The following GPHN variants were observed in gnomAD, a reference collection of about 807,000 sequenced individuals.
GPHN encodes gephyrin.
In GPHN, 17 loss-of-function variants were observed where a neutral mutation model predicts 95.5. The observed-to-expected ratio is 0.18, with a 90% CI of 0.12 to 0.27. The LOEUF (loss-of-function observed/expected upper bound fraction) is 0.27. Ranked by LOEUF, GPHN falls within the 10% of genes least tolerant of loss-of-function variation. The probability of loss-of-function intolerance (pLI) is 1.00; values close to 1 mark genes in which losing one functional copy is unlikely to be tolerated. For synonymous variants in GPHN, 320 were observed against 322.5 expected (o/e 0.99, Z 0.08); for missense variants, 660 against 978.1 (o/e 0.67, Z 4.34).
At chr14:67,045,026 G>A (rs2074931299) in intron 10 of GPHN, among the ~76,000 whole-genome samples, 1 of 152,282 alleles carries the variant, frequency 6.6e-6, no homozygotes, top group Non-Finnish European at 1.5e-5. Flanking sequence ...GGACTTGGAT[G>A]CCTAATAGGT....
chr14:67,107,594 A>C (rs1420456069), intron 13 of GPHN, among the ~76,000 whole-genome samples: 1 of 152,208 alleles, frequency 6.6e-6, no homozygotes, highest in Non-Finnish European at 1.5e-5. Context: ...AGTAGGGCTC[A>C]GCAGCAGCTC....
At chr14:67,167,521 A>G (rs975701545) in intron 20 of GPHN, among the ~76,000 whole-genome samples, 9 of 152,120 alleles carry the variant, frequency 5.9e-5, no homozygotes, top group African/African-American at 2.2e-4. Context: ...CACTTTTTGC[A>G]CCTTAAAAAA....
chr14:67,555,818 C>A, the GPHN span: 1 of 1,613,064 alleles, frequency 6.2e-7, no homozygotes, highest in Non-Finnish European at 8.5e-7. Flanking sequence ...TCTCTCTGGC[C>A]AAGCAGATGC....
At chr14:67,110,387 T>A in intron 14 of GPHN, 128 bp downstream of exon 14, 1 of 904,778 alleles carries the variant, frequency 1.1e-6, no homozygotes, top group African/African-American at 1.6e-5. Context: ...TTTTTGCTTA[T>A]GGTGGGATCT....
chr14:67,094,250 T>C (rs2077258750), intron 12 of GPHN, among the ~76,000 whole-genome samples: 1 of 152,094 alleles, frequency 6.6e-6, no homozygotes, highest in Non-Finnish European at 1.5e-5. Context: ...TCAAATAATA[T>C]AACCAGAAAT....
intron 1 of GPHN, among the ~76,000 whole-genome samples, chr14:66,645,669 G>A (rs1235940793): frequency 7.0e-6 from 1 of 142,546 alleles, no homozygotes; most frequent in Non-Finnish European, 1.5e-5. Flanking sequence ...TCCAGCTTGG[G>A]CGACAGAGTG....
chr14:67,231,645 T>G, the GPHN span, among the ~76,000 whole-genome samples: 2 of 152,156 alleles, frequency 1.3e-5, no homozygotes, highest in Non-Finnish European at 1.5e-5. Flanking sequence ...CTAAATACTT[T>G]AAAATAGGTG....
chr14:67,131,799 T>A (rs1237556345), intron 17 of GPHN, among the ~76,000 whole-genome samples: 3 of 152,262 alleles, frequency 2.0e-5, no homozygotes, highest in African/African-American at 7.2e-5. Context: ...CTTGGGGAAA[T>A]TTTTTTAAAT....
chr14:67,206,820 T>G, the GPHN span, among the ~76,000 whole-genome samples: 1 of 147,500 alleles, frequency 6.8e-6, no homozygotes, highest in African/African-American at 2.5e-5. Context: ...AACCTCCACC[T>G]CTCAGGTTCA....
chr14:66,654,142 AT>A (rs913535136), intron 1 of GPHN, among the ~76,000 whole-genome samples: 1 of 151,970 alleles, frequency 6.6e-6, no homozygotes, highest in Non-Finnish European at 1.5e-5. Context: ...ATCTCATTAC[AT>A]TTTTTTGTTT....
intron 1 of GPHN, among the ~76,000 whole-genome samples, chr14:66,639,358 TAA>T (rs1474632520): frequency 5.3e-5 from 8 of 152,102 alleles, no homozygotes; most frequent in African/African-American, 1.9e-4. Context: ...AGAATAATGA[TAA>T]GTTAGATCCA....
At chr14:66,664,107 C>T (rs912950996) in intron 1 of GPHN, among the ~76,000 whole-genome samples, 1 of 152,146 alleles carries the variant, frequency 6.6e-6, no homozygotes, top group Non-Finnish European at 1.5e-5. Flanking sequence ...AGGATCTGAA[C>T]TCAGATCTGG....
At chr14:66,830,705 C>T (rs2061550641) in intron 4 of GPHN, among the ~76,000 whole-genome samples, 1 of 152,016 alleles carries the variant, frequency 6.6e-6, no homozygotes. Flanking sequence ...CAAAATGGTA[C>T]CAAAGAAACC....
intron 20 of GPHN, among the ~76,000 whole-genome samples, chr14:67,168,261 T>C (rs1398551925): frequency 6.6e-6 from 1 of 152,194 alleles, no homozygotes; most frequent in Non-Finnish European, 1.5e-5. Flanking sequence ...TTCCTCTTTT[T>C]ATAAGGGCAC....
At chr14:66,895,144 G>A (rs2064766093) in intron 5 of GPHN, among the ~76,000 whole-genome samples, 1 of 152,240 alleles carries the variant, frequency 6.6e-6, no homozygotes, top group Non-Finnish European at 1.5e-5. Context: ...TTAAGAAAAT[G>A]TGGCACATAT....
At chr14:67,507,994 C>T in the GPHN span, among the ~76,000 whole-genome samples, 2 of 151,954 alleles carry the variant, frequency 1.3e-5, no homozygotes, top group Non-Finnish European at 2.9e-5. Flanking sequence ...CAAAATTAGC[C>T]GGACGTGGGG....
chr14:66,803,548 C>A (rs1192929134), intron 3 of GPHN, among the ~76,000 whole-genome samples: 1 of 152,164 alleles, frequency 6.6e-6, no homozygotes, highest in Non-Finnish European at 1.5e-5. Context: ...TTATTCGTAT[C>A]TTTCTTGAAT....
intron 4 of GPHN, among the ~76,000 whole-genome samples, chr14:66,853,110 T>A (rs2062662534): frequency 1.3e-5 from 2 of 152,092 alleles, no homozygotes; most frequent in Non-Finnish European, 1.5e-5. Flanking sequence ...TTGGGGAACA[T>A]CTGTATTAGG....
At chr14:66,735,998 G>A (rs1314409773) in intron 2 of GPHN, among the ~76,000 whole-genome samples, 1 of 152,190 alleles carries the variant, frequency 6.6e-6, no homozygotes, top group Non-Finnish European at 1.5e-5. Flanking sequence ...AGGTTACACA[G>A]CTAACTGGAT....
Sources: allele counts gnomAD v4.1 joint callset (sites outside exome capture counted in the v4.1 genomes callset), GRCh38; gene constraint gnomAD v4.1.1; transcripts MANE v1.5; gene names NCBI Gene and HGNC (gene_info 2026-07-23, HGNC 2026-07-21).